The following NCAN variants were observed in gnomAD, a reference collection of about 807,000 sequenced individuals.
NCAN encodes the protein neurocan.
Under a neutral mutation model 121.8 loss-of-function variants are expected in NCAN, and 47 were observed. The observed-to-expected ratio is 0.39, with a 90% CI of 0.31 to 0.49. The LOEUF is 0.49. Ranked by LOEUF, NCAN falls within the 20% of genes least tolerant of loss-of-function variation. The pLI is 0.92. For synonymous variants in NCAN, 633 were observed against 702.0 expected (o/e 0.90, Z 1.55); for missense variants, 1,517 against 1,773.4 (o/e 0.86, Z 2.60).
At position 19,219,466 on chromosome 19, in the gene NCAN, G is replaced by A. The variant is rs147176206; in HGVS notation, c.475+150G>A. ...TCCCAGCACTTTGGCAGGCCAAGGCGGGTGGATTGCTTGAGCACAGGAGTT... is the reference window on the plus strand; with the variant it reads ...TCCCAGCACTTTGGCAGGCCAAGGCAGGTGGATTGCTTGAGCACAGGAGTT... On this transcript the variant is annotated intron_variant, in intron 3 of 14. Transcript: ENST00000252575. 7.0e-3 allele frequency: 5,987 copies of A among 856,514 alleles called. 113 individuals are homozygous for A. The highest frequency in any genetic ancestry group is 0.049 in the East Asian group (1,709 of 34,696). The allele number at this position is 856,514 out of a possible 1,614,324, so 53.1% of individuals were successfully genotyped here. A position where few individuals can be genotyped will look rare whatever the true frequency, so the allele number is the denominator to read the frequency against.
intron 3 of NCAN, among the ~76,000 whole-genome samples, chr19:19,220,846 G>A (rs1412159429): frequency 6.6e-6 from 1 of 151,968 alleles, no homozygotes; most frequent in African/African-American, 2.4e-5. Flanking sequence ...GAAGAGGAAG[G>A]GTCACTTCAG....
chr19:19,224,248 G>A lies in NCAN; in HGVS notation c.650+53G>A, dbSNP rs878904664. The A allele has an allele frequency of 1.9e-5, 31 of 1,594,232 alleles. 1 individual carries two copies. The highest frequency in any genetic ancestry group is 3.3e-4 in the Middle Eastern group (2 of 5,996). On this transcript the variant is annotated intron_variant, in intron 4 of 14. Coordinates refer to ENST00000252575, the MANE Select transcript of NCAN (RefSeq NM_004386.3). ...TGAAGACTAGCTCATGGGGAAGGAGGTTCCTTGGGGGCTCCAGGAGCACAC... is the reference window on the plus strand; with the variant it reads ...TGAAGACTAGCTCATGGGGAAGGAGATTCCTTGGGGGCTCCAGGAGCACAC...
chr19:19,232,326 T>G (rs941572207), intron 8 of NCAN, among the ~76,000 whole-genome samples: 1 of 152,190 alleles, frequency 6.6e-6, no homozygotes, highest in Admixed American at 6.5e-5. Context: ...ATAAATGCAG[T>G]ACCAGCGAGT....
intron 1 of NCAN, among the ~76,000 whole-genome samples, chr19:19,214,629 C>T (rs1186912265): frequency 6.6e-6 from 1 of 152,010 alleles, no homozygotes; most frequent in Non-Finnish European, 1.5e-5. Flanking sequence ...TGGATAATCT[C>T]CATTTTACAG....
rs141428503 is a variant in NCAN, at chr19:19,249,965, C to T, written c.*54C>T. ...TTTCCCATGCCTCCTCTGGAGCCTT[C>T]GCCTGGGGAGACAGAACCCAGAGAG... On this transcript the variant is annotated 3_prime_UTR_variant, in exon 15 of 15. Transcript: ENST00000252575. 82 of 1,552,478 alleles carry T rather than the reference C, an allele frequency of 5.3e-5. 1 individual carries two copies. The East Asian group carries it at 8.1e-4, about 15-fold the overall frequency.
Position 19,225,277 on chromosome 19 carries a change from G to C in NCAN, c.1072+7G>C. The C allele has an allele frequency of 6.6e-7, 1 of 1,516,436 alleles. No homozygotes were observed. Among genetic ancestry groups the C allele is most frequent in the African/African-American group, 1.4e-5 (1 of 68,980 alleles). The allele number at this position is 1,516,436 out of a possible 1,614,324, so 93.9% of individuals were successfully genotyped here. ...GACGCCTACTGCTTCCGAGGTGCGT[G>C]CGTCCCCTGGTGGCCGCGCCCCCAG... On this transcript the variant is annotated splice_region_variant and intron_variant, in intron 6 of 14. Transcript: ENST00000252575. The surrounding 1 kb of genome is among the most constrained non-coding windows in gnomAD (Gnocchi z 4.0).
chr19:19,243,842 A>G (rs766470205), intron 12 of NCAN, among the ~76,000 whole-genome samples: 1 of 152,116 alleles, frequency 6.6e-6, no homozygotes. Flanking sequence ...CCTGGCCAAC[A>G]TGGTGAAACC....
chr19:19,239,635 TC>T (rs1452523181), intron 11 of NCAN, among the ~76,000 whole-genome samples: 1 of 51,122 alleles, frequency 2.0e-5, no homozygotes, highest in African/African-American at 8.4e-5. Flanking sequence ...CCCCCTTCCC[TC>T]CCCCTCCTCC....
Position 19,212,262 on chromosome 19 carries a change from T to G in NCAN, c.-8+198T>G, listed in dbSNP as rs1275047249. On this transcript the variant is annotated intron_variant, in intron 1 of 14. Coordinates refer to ENST00000252575, the MANE Select transcript of NCAN (RefSeq NM_004386.3). The surrounding 1 kb of genome is among the most constrained non-coding windows in gnomAD (Gnocchi z 4.5). ...TGGGAATGCTAGGTGAACAGACATT[T>G]GGGGAGGAAGGTTGTCCGCGGAATC... 8.4e-6 allele frequency among the ~76,000 whole-genome samples: 1 copy of G among 118,566 alleles called. No individual in the cohort carries two copies. The highest frequency in any genetic ancestry group is 2.9e-4 in the South Asian group (1 of 3,456). 77.8% of individuals were successfully genotyped at this position (118,566 alleles called of 152,430 possible).
intron 13 of NCAN, among the ~76,000 whole-genome samples, chr19:19,246,283 C>T (rs2060924180): frequency 6.6e-6 from 1 of 151,918 alleles, no homozygotes; most frequent in African/African-American, 2.4e-5. Context: ...GGTGATCCAC[C>T]CACCTCGGCC....
intron 1 of NCAN, among the ~76,000 whole-genome samples, chr19:19,214,891 C>A (rs577193279): frequency 6.6e-6 from 1 of 152,160 alleles, no homozygotes; most frequent in Non-Finnish European, 1.5e-5. Context: ...GAGGGGACCC[C>A]ACACTTGCTC....
At position 19,223,109 on chromosome 19, in the gene NCAN, AAAAATAAATAAAAT is replaced by A. The variant is rs200714674; in HGVS notation, c.476-893_476-880del. ...GGCGACAGAGTGAGATTCTGTCTCA[AAAAATAAATAAAAT>A]AAAATAAATAAAATAAAAAATAAAT... On this transcript the variant is annotated intron_variant, in intron 3 of 14. Transcript: ENST00000252575. Among the ~76,000 whole-genome samples, 1,329 of 152,052 alleles carry A rather than the reference AAAAATAAATAAAAT, an allele frequency of 8.7e-3. 10 individuals carry two copies. The highest frequency in any genetic ancestry group is 0.013 in the Admixed American group (193 of 15,282).
At chr19:19,235,588 T>TA (rs1568600276) in intron 10 of NCAN, among the ~76,000 whole-genome samples, 1 of 130,954 alleles carries the variant, frequency 7.6e-6, no homozygotes, top group African/African-American at 3.5e-5. Context: ...ATTTTATTTT[T>TA]TTTTTTTGAG....
At chr19:19,236,866 C>G (rs2060882993) in intron 10 of NCAN, among the ~76,000 whole-genome samples, 1 of 151,944 alleles carries the variant, frequency 6.6e-6, no homozygotes, top group East Asian at 1.9e-4. Flanking sequence ...GTAGCTGGAA[C>G]TACAGGTTTG....
At chr19:19,242,175 A>G (rs2060905530) in intron 12 of NCAN, among the ~76,000 whole-genome samples, 1 of 152,096 alleles carries the variant, frequency 6.6e-6, no homozygotes, top group African/African-American at 2.4e-5. Context: ...AGCCTGGGCA[A>G]CAGAGCAGGA....
intron 13 of NCAN, among the ~76,000 whole-genome samples, chr19:19,246,959 G>T (rs1015947273): frequency 6.6e-6 from 1 of 152,054 alleles, no homozygotes; most frequent in African/African-American, 2.4e-5. Flanking sequence ...ATTTTTAAGA[G>T]ATCTTTATAT....
chr19:19,240,159 C>G (rs1326658982), intron 11 of NCAN, among the ~76,000 whole-genome samples: 1 of 149,612 alleles, frequency 6.7e-6, no homozygotes, highest in Non-Finnish European at 1.5e-5. Context: ...TTCACTCCTC[C>G]TCCTTTTTCC....
intron 3 of NCAN, among the ~76,000 whole-genome samples, chr19:19,221,243 AAAT>A (rs763037937): frequency 2.6e-5 from 4 of 151,858 alleles, no homozygotes; most frequent in Admixed American, 2.0e-4. Context: ...CCTGTCTCAA[AAAT>A]AATAATAATA....
chr19:19,225,085 C>G lies in NCAN; in HGVS notation c.887C>G (p.Ala296Gly). ...GCCTCGGTGGGACAGCTGCACCTGGCCTGGCATGAGGGCCTGGACCAGTGC... is the reference window on the plus strand; with the variant it reads ...GCCTCGGTGGGACAGCTGCACCTGGGCTGGCATGAGGGCCTGGACCAGTGC... ...ALASVGQLHL[A>G]WHEGLDQCDP... The change falls in exon 6 of 15, where the codon GCC becomes GGC. Residue 296 changes from alanine to glycine, a missense_variant. Physicochemically the swap from Ala to Gly is moderately conservative, Grantham distance 60. Transcript: ENST00000252575. This position sits in a 1 kb window ranked among gnomAD's most constrained non-coding sequence, Gnocchi z 4.0. 6.5e-7 allele frequency: 1 copy of G among 1,531,690 alleles called. No homozygotes were observed. The allele number at this position is 1,531,690 out of a possible 1,614,324, so 94.9% of individuals were successfully genotyped here.
Sources: gnomAD v4.1 joint callset for allele counts (sites outside exome capture counted in the v4.1 genomes callset) on GRCh38, gnomAD v4.1.1 for gene constraint, Gnocchi (gnomAD v3.1) non-coding constraint, MANE v1.5 for transcripts, NCBI Gene and HGNC (gene_info 2026-07-23, HGNC 2026-07-21) for gene names.